STAG1: variants seen among roughly 807,000 people sequenced by gnomAD.
STAG1 encodes the protein cohesin subunit SA-1.
In STAG1, 26 loss-of-function variants were observed where a neutral mutation model predicts 170.9. The observed-to-expected ratio is 0.15, with a 90% CI of 0.11 to 0.21. STAG1 has a LOEUF of 0.21. STAG1 is among the 10% of genes least tolerant of loss of function. STAG1 has a pLI of 1.00. For synonymous variants in STAG1, 514 were observed against 497.7 expected (o/e 1.03, Z -0.44); for missense variants, 964 against 1,509.5 (o/e 0.64, Z 5.99).
chr3:136,729,624 G>GTACAAT (rs1933889949), intron 1 of STAG1, among the ~76,000 whole-genome samples: 2 of 137,742 alleles, frequency 1.5e-5, no homozygotes, highest in African/African-American at 2.8e-5. Context: ...CCAGGCTGGA[G>GTACAAT]TACAATGACA....
intron 1 of STAG1, among the ~76,000 whole-genome samples, chr3:136,744,377 T>G (rs1934829787): frequency 6.6e-6 from 1 of 152,042 alleles, no homozygotes; most frequent in Admixed American, 6.6e-5. Flanking sequence ...AAGACAGGAG[T>G]ACAACTGCTG....
chr3:136,450,977 G>T (rs1208093020), intron 14 of STAG1, among the ~76,000 whole-genome samples: 2 of 151,942 alleles, frequency 1.3e-5, no homozygotes, highest in Non-Finnish European at 2.9e-5. Flanking sequence ...TTAAACTCCT[G>T]GCCTGAAGTG....
intron 1 of STAG1, among the ~76,000 whole-genome samples, chr3:136,714,204 C>G (rs1008535182): frequency 1.3e-5 from 2 of 151,988 alleles, no homozygotes; most frequent in South Asian, 2.1e-4. Context: ...GCCCTACCCC[C>G]CAAAAAAGTG....
At chr3:136,389,818 C>T (rs925511419) in intron 22 of STAG1, among the ~76,000 whole-genome samples, 2 of 151,028 alleles carry the variant, frequency 1.3e-5, no homozygotes, top group African/African-American at 4.9e-5. Flanking sequence ...CCGCACCTGG[C>T]CTTATGCTAT....
chr3:136,344,221 G>A (rs1242898175), intron 29 of STAG1, among the ~76,000 whole-genome samples: 2 of 152,154 alleles, frequency 1.3e-5, no homozygotes, highest in South Asian at 2.1e-4. Flanking sequence ...CTAACCTCAC[G>A]AAGTTGTAGG....
At chr3:136,369,921 T>C (rs1042431211) in intron 23 of STAG1, among the ~76,000 whole-genome samples, 2 of 152,104 alleles carry the variant, frequency 1.3e-5, no homozygotes, top group African/African-American at 4.8e-5. Context: ...CACGAGTTTG[T>C]TGTGATGTTG....
intron 9 of STAG1, among the ~76,000 whole-genome samples, chr3:136,485,674 C>T (rs560768877): frequency 6.6e-6 from 1 of 152,166 alleles, no homozygotes; most frequent in Non-Finnish European, 1.5e-5. Context: ...TGATACATCT[C>T]CCTTCCCAAG....
At chr3:136,466,975 G>C (rs532013710) in intron 12 of STAG1, among the ~76,000 whole-genome samples, 1 of 152,208 alleles carries the variant, frequency 6.6e-6, no homozygotes, top group South Asian at 2.1e-4. Flanking sequence ...TCACCACCAA[G>C]CCTGCCCTAC....
chr3:136,728,888 T>C (rs936360102), intron 1 of STAG1, among the ~76,000 whole-genome samples: 2 of 152,214 alleles, frequency 1.3e-5, no homozygotes, highest in African/African-American at 4.8e-5. Flanking sequence ...AATCTAATAC[T>C]TTGACATGTA....
intron 7 of STAG1, among the ~76,000 whole-genome samples, chr3:136,518,586 T>C (rs186563893): frequency 1.3e-5 from 2 of 152,232 alleles, no homozygotes; most frequent in East Asian, 3.9e-4. Context: ...GAAGGGTAGG[T>C]GACTGCTATG....
At chr3:136,670,501 G>A (rs1941945849) in intron 1 of STAG1, among the ~76,000 whole-genome samples, 1 of 152,168 alleles carries the variant, frequency 6.6e-6, no homozygotes, top group East Asian at 1.9e-4. Flanking sequence ...AGCAGAGAAG[G>A]ACAGAATCTC....
intron 4 of STAG1, chr3:136,591,630 G>A (rs1576642064): frequency 3.4e-6 from 1 of 290,812 alleles, no homozygotes; most frequent in South Asian, 2.9e-5. Context: ...CAAGAAATAT[G>A]GCTATTGTGC....
At chr3:136,553,437 C>A (rs1334039719) in intron 5 of STAG1, among the ~76,000 whole-genome samples, 3 of 152,138 alleles carry the variant, frequency 2.0e-5, no homozygotes, top group Non-Finnish European at 4.4e-5. Flanking sequence ...TCTACGCCTA[C>A]AGCAAAACAT....
intron 1 of STAG1, among the ~76,000 whole-genome samples, chr3:136,751,921 AGGGGTGGCAAGCGACGAAGACGCC>A (rs1486438790): frequency 1.3e-5 from 2 of 150,364 alleles, no homozygotes; most frequent in Admixed American, 1.3e-4. Context: ...TGCCCGCGGG[AGGGGTGGCAAGCGACGAAGACGCC>A]GGGGTGCCCA....
rs1469597142 is a variant in STAG1, at chr3:136,337,017, C to T, written c.*1237G>A. 2.0e-5 allele frequency: 3 copies of T among 152,486 alleles called. No individual in the cohort carries two copies. Among genetic ancestry groups the T allele is most frequent in the Non-Finnish European group, 4.4e-5 (3 of 68,028 alleles). 9.4% of individuals were successfully genotyped at this position (152,486 alleles called of 1,614,324 possible). A position where few individuals can be genotyped will look rare whatever the true frequency, so the allele number is the denominator to read the frequency against. ...TAGCAGCAAGTCATAAAAGTCTAGGCAGAATGTAACTCTAAACCATTGTAG... is the reference window on the plus strand; with the variant it reads ...TAGCAGCAAGTCATAAAAGTCTAGGTAGAATGTAACTCTAAACCATTGTAG... On this transcript the variant is annotated 3_prime_UTR_variant, in exon 34 of 34. Transcript: ENST00000383202.
At chr3:136,589,080 G>A (rs1168413519) in intron 4 of STAG1, among the ~76,000 whole-genome samples, 1 of 151,946 alleles carries the variant, frequency 6.6e-6, no homozygotes, top group Admixed American at 6.5e-5. Flanking sequence ...TAATAGACAT[G>A]GGGTTTCACC....
intron 1 of STAG1, among the ~76,000 whole-genome samples, chr3:136,696,222 T>G (rs1425054420): frequency 6.6e-6 from 1 of 151,990 alleles, no homozygotes; most frequent in Non-Finnish European, 1.5e-5. Flanking sequence ...AGGCAGGTGG[T>G]TTTAGCAGCT....
chr3:136,363,799 A>C (rs1484508145), intron 25 of STAG1, among the ~76,000 whole-genome samples: 2 of 152,158 alleles, frequency 1.3e-5, no homozygotes, highest in Non-Finnish European at 1.5e-5. Flanking sequence ...GTCTCACTCA[A>C]GCTGGAGTGC....
At chr3:136,382,773 T>C (rs1938048490) in intron 22 of STAG1, among the ~76,000 whole-genome samples, 1 of 152,148 alleles carries the variant, frequency 6.6e-6, no homozygotes, top group Non-Finnish European at 1.5e-5. Flanking sequence ...TCTTTAGCAA[T>C]AAAGTTTGGC....
Sources: allele counts gnomAD v4.1 joint callset (sites outside exome capture counted in the v4.1 genomes callset), GRCh38; gene constraint gnomAD v4.1.1; transcripts MANE v1.5; gene names NCBI Gene and HGNC (gene_info 2026-07-23, HGNC 2026-07-21).